The following PAX5 variants were observed in gnomAD, a reference collection of about 807,000 sequenced individuals.
PAX5 encodes paired box protein Pax-5.
In PAX5, 9 loss-of-function variants were observed where a neutral mutation model predicts 43.7. The observed-to-expected ratio is 0.21, with a 90% CI of 0.12 to 0.36. PAX5 has a LOEUF of 0.36. Among genes scored for constraint, PAX5 ranks in the 10% least tolerant of loss-of-function variants. The pLI, the probability that PAX5 is intolerant of heterozygous loss-of-function variation, is 1.00. For missense variants in PAX5, 383 were observed against 532.7 expected, an observed-to-expected ratio of 0.72 and a Z score of 2.77; for synonymous variants, 228 against 214.3, an observed-to-expected ratio of 1.06 and a Z score of -0.56.
chr9:36,948,682 A>G (rs893219976), intron 6 of PAX5, among the ~76,000 whole-genome samples: 1 of 152,082 alleles, frequency 6.6e-6, no homozygotes, highest in Non-Finnish European at 1.5e-5. Flanking sequence ...TCTGGGGAAG[A>G]AAAAGTTCCC....
chr9:36,885,705 C>G (rs1826850277), intron 7 of PAX5, among the ~76,000 whole-genome samples: 1 of 152,164 alleles, frequency 6.6e-6, no homozygotes, highest in Non-Finnish European at 1.5e-5. Context: ...ATGCCTTCTT[C>G]ATAAGGCTGT....
intron 6 of PAX5, among the ~76,000 whole-genome samples, chr9:36,953,618 A>G (rs7873165): frequency 0.72 from 109,390 of 151,756 alleles, 39,889 homozygotes; most frequent in South Asian, 0.84. Flanking sequence ...TCTAGTGATG[A>G]GCCCAGCAAA....
chr9:37,020,785 A>G lies in PAX5; in HGVS notation c.63T>C (p.Asn21=), dbSNP rs1839783653. 1 of 1,613,988 alleles carries G rather than the reference A, an allele frequency of 6.2e-7. No individual in the cohort carries two copies. Among genetic ancestry groups the G allele is most frequent in the South Asian group, 1.1e-5 (1 of 91,074 alleles). ...CATTCACAAAAACCCCCCCAAGCTG[A>G]TTCACTCCTCCATGTCCTGAAACAG... is the stretch of plus-strand genomic sequence containing the variant. The part of the protein sequence containing the change: ...RTSRTGHGGV[N]QLGGVFVNGR... Residue 21 remains asparagine, a synonymous_variant, in exon 2 of 10, where the codon AAT becomes AAC. Transcript: ENST00000358127.
At position 36,852,223 on chromosome 9, in the gene PAX5, C is replaced by A. The variant is rs145690519; in HGVS notation, c.1013-5294G>T. Among the ~76,000 whole-genome samples the A allele has an allele frequency of 2.2e-3, 342 of 152,304 alleles. 1 individual carries two copies. The highest frequency in any genetic ancestry group is 8.0e-3 in the African/African-American group (331 of 41,568). On this transcript the variant is annotated intron_variant, in intron 8 of 9. Coordinates refer to ENST00000358127, the MANE Select transcript of PAX5 (RefSeq NM_016734.3). ...CCCCACCCAAGCCCTCTGATCCCAGCTCCTCCCCCTGCCCCTTCACCCTTT... is the reference window on the plus strand; with the variant it reads ...CCCCACCCAAGCCCTCTGATCCCAGATCCTCCCCCTGCCCCTTCACCCTTT...
intron 7 of PAX5, among the ~76,000 whole-genome samples, chr9:36,915,217 G>A (rs529649233): frequency 1.3e-4 from 20 of 152,224 alleles, no homozygotes; most frequent in South Asian, 8.3e-4. Context: ...AAACATGTGC[G>A]TTTAAAATTT....
chr9:36,950,990 C>T (rs1205385110), intron 6 of PAX5, among the ~76,000 whole-genome samples: 1 of 152,124 alleles, frequency 6.6e-6, no homozygotes, highest in Non-Finnish European at 1.5e-5. Context: ...GATCCGCCCA[C>T]CTCGGCCTCC....
At chr9:36,981,417 A>AATTT (rs1261698764) in intron 5 of PAX5, among the ~76,000 whole-genome samples, 1 of 133,744 alleles carries the variant, frequency 7.5e-6, no homozygotes, top group Non-Finnish European at 1.6e-5. Context: ...TTGTAGAGTG[A>AATTT]ATTTCACTGA....
At chr9:36,910,775 T>C (rs1453902780) in intron 7 of PAX5, among the ~76,000 whole-genome samples, 1 of 152,308 alleles carries the variant, frequency 6.6e-6, no homozygotes, top group Admixed American at 6.5e-5. Context: ...GACCAAGCCC[T>C]GATGTGGAAC....
At chr9:37,002,226 G>A (rs970757693) in intron 5 of PAX5, among the ~76,000 whole-genome samples, 1 of 152,100 alleles carries the variant, frequency 6.6e-6, no homozygotes, top group Non-Finnish European at 1.5e-5. Flanking sequence ...CCCTCCGCAC[G>A]TGTGCCCCTC....
chr9:36,885,255 G>A (rs1826813245), intron 7 of PAX5, among the ~76,000 whole-genome samples: 1 of 152,160 alleles, frequency 6.6e-6, no homozygotes, highest in African/African-American at 2.4e-5. Context: ...ATGACACTGT[G>A]TGGGGAGGTC....
intron 5 of PAX5, among the ~76,000 whole-genome samples, chr9:36,998,059 C>T (rs1459228634): frequency 6.6e-6 from 1 of 152,246 alleles, no homozygotes; most frequent in Non-Finnish European, 1.5e-5. Flanking sequence ...AGCTCACTAC[C>T]TTTCTAAGAT....
chr9:37,024,470 T>G (rs1178039911), intron 1 of PAX5, among the ~76,000 whole-genome samples: 1 of 152,114 alleles, frequency 6.6e-6, no homozygotes, highest in African/African-American at 2.4e-5. Flanking sequence ...CTCTACTACC[T>G]CAGCCACCTT....
chr9:37,002,504 A>G, intron 5 of PAX5, 144 bp downstream of exon 5: 2 of 840,238 alleles, frequency 2.4e-6, no homozygotes, highest in Non-Finnish European at 3.6e-6. Context: ...GTGTTCACGA[A>G]AAGGACAGCG....
chr9:36,897,344 G>T (rs887619640), intron 7 of PAX5, among the ~76,000 whole-genome samples: 1 of 152,106 alleles, frequency 6.6e-6, no homozygotes, highest in East Asian at 1.9e-4. Context: ...CAACCAGTTT[G>T]GGGGAGGGGT....
chr9:36,881,919 T>C (rs907976546), intron 8 of PAX5, 85 bp downstream of exon 8: 33 of 971,148 alleles, frequency 3.4e-5, no homozygotes, highest in Admixed American at 3.2e-4. Context: ...AGCGTAGAGG[T>C]CACCCAGGCT....
chr9:36,884,620 C>G (rs1826757815), intron 7 of PAX5, among the ~76,000 whole-genome samples: 1 of 152,070 alleles, frequency 6.6e-6, no homozygotes, highest in African/African-American at 2.4e-5. Context: ...GAAAATTGTT[C>G]TGAAAGTTTT....
chr9:36,909,470 G>A (rs936075319), intron 7 of PAX5, among the ~76,000 whole-genome samples: 3 of 152,264 alleles, frequency 2.0e-5, no homozygotes, highest in South Asian at 2.1e-4. Flanking sequence ...AGAATAGCTT[G>A]AGCAGAGGCC....
rs1244666692 is a variant in PAX5, at chr9:36,882,385, G to T, written c.911-280C>A. Among the ~76,000 whole-genome samples the T allele has an allele frequency of 6.6e-6, 1 of 152,122 alleles. No individual in the cohort carries two copies. Among genetic ancestry groups the T allele is most frequent in the Non-Finnish European group, 1.5e-5 (1 of 68,024 alleles). ...TGTTCCTGGGAAATCAGAACCCCCTGCTTGGGGAGGCTAGGCAATGCAGGT... is the reference window on the plus strand; with the variant it reads ...TGTTCCTGGGAAATCAGAACCCCCTTCTTGGGGAGGCTAGGCAATGCAGGT... On this transcript the variant is annotated intron_variant, in intron 7 of 9. Coordinates refer to ENST00000358127, the MANE Select transcript of PAX5 (RefSeq NM_016734.3). The surrounding 1 kb of genome is among the most constrained non-coding windows in gnomAD (Gnocchi z 4.4).
intron 5 of PAX5, among the ~76,000 whole-genome samples, chr9:36,990,848 G>A (rs751748268): frequency 2.0e-5 from 3 of 152,218 alleles, no homozygotes; most frequent in East Asian, 1.9e-4. Flanking sequence ...AGTGGCTCAC[G>A]CCTGTAATCC....
Sources: allele counts gnomAD v4.1 joint callset (sites outside exome capture counted in the v4.1 genomes callset), GRCh38; gene constraint gnomAD v4.1.1; non-coding constraint Gnocchi (gnomAD v3.1); transcripts MANE v1.5; gene names NCBI Gene and HGNC (gene_info 2026-07-23, HGNC 2026-07-21).